CNTNAP2: variants seen among roughly 807,000 people sequenced by gnomAD.
CNTNAP2 encodes the protein contactin-associated protein-like 2.
Under a neutral mutation model 155.2 loss-of-function variants are expected in CNTNAP2, and 98 were observed. That is an observed-to-expected ratio of 0.63 (90% CI 0.54 to 0.75). The LOEUF (loss-of-function observed/expected upper bound fraction) is 0.75, where lower values mean the gene tolerates loss of function less well. CNTNAP2 is among the 30% of genes least tolerant of loss of function. The pLI is 0.00. For missense variants in CNTNAP2, 1,727 were observed against 1,688.1 expected, an observed-to-expected ratio of 1.02 and a Z score of -0.40; for synonymous variants, 651 against 631.2, an observed-to-expected ratio of 1.03 and a Z score of -0.47.
Position 146,747,481 on chromosome 7 carries a change from G to A in CNTNAP2, c.98-26790G>A, listed in dbSNP as rs185123097. On this transcript the variant is annotated intron_variant, in intron 1 of 23. Transcript: ENST00000361727. ...GCTTTTATTCTTAAGGAGGAAAAAT[G>A]TCTGTCAGAATGATTTTGTCTGTTT... is the stretch of plus-strand genomic sequence containing the variant. Among the ~76,000 whole-genome samples, 11 of 152,232 alleles carry A rather than the reference G, an allele frequency of 7.2e-5. No individual in the cohort carries two copies. The East Asian group carries it at 2.1e-3, about 29-fold the overall frequency.
At chr7:147,111,892 T>C (rs1017306875) in intron 5 of CNTNAP2, among the ~76,000 whole-genome samples, 2 of 152,194 alleles carry the variant, frequency 1.3e-5, no homozygotes, top group Non-Finnish European at 2.9e-5. Context: ...TTTTTTTAAA[T>C]TCTCTGAAGA....
At chr7:146,304,135 T>C (rs1342071724) in intron 1 of CNTNAP2, among the ~76,000 whole-genome samples, 1 of 151,072 alleles carries the variant, frequency 6.6e-6, no homozygotes, top group Non-Finnish European at 1.5e-5. Flanking sequence ...GATCTTCCTC[T>C]GTCCCTTTTT....
intron 13 of CNTNAP2, among the ~76,000 whole-genome samples, chr7:147,703,168 C>T (rs1048007180): frequency 9.2e-5 from 14 of 152,126 alleles, no homozygotes; most frequent in African/African-American, 3.1e-4. Flanking sequence ...TACCAACCTC[C>T]CCTTCCCATC....
chr7:146,445,589 G>T (rs1319061070), intron 1 of CNTNAP2, among the ~76,000 whole-genome samples: 7 of 152,172 alleles, frequency 4.6e-5, no homozygotes, highest in South Asian at 2.1e-4. Flanking sequence ...AATAACTGAA[G>T]AGAGGGTGTG....
intron 1 of CNTNAP2, among the ~76,000 whole-genome samples, chr7:146,736,141 A>T (rs959365771): frequency 6.6e-6 from 1 of 152,158 alleles, no homozygotes; most frequent in Admixed American, 6.5e-5. Flanking sequence ...GTAATCTGGA[A>T]ATGGTTTATA....
At chr7:146,256,129 A>G (rs1469899162) in intron 1 of CNTNAP2, among the ~76,000 whole-genome samples, 1 of 152,160 alleles carries the variant, frequency 6.6e-6, no homozygotes, top group Non-Finnish European at 1.5e-5. Flanking sequence ...GGCAAACCCT[A>G]CTGGAAGCTT....
chr7:147,120,463 C>T (rs975724322), intron 5 of CNTNAP2, among the ~76,000 whole-genome samples: 1 of 152,168 alleles, frequency 6.6e-6, no homozygotes, highest in Non-Finnish European at 1.5e-5. Flanking sequence ...GACTTTATAA[C>T]AAACCTACCA....
intron 15 of CNTNAP2, among the ~76,000 whole-genome samples, chr7:147,986,957 A>G (rs1163053901): frequency 6.6e-6 from 1 of 151,940 alleles, no homozygotes; most frequent in East Asian, 1.9e-4. Flanking sequence ...AAAAAAAACA[A>G]AAGCAAAAAC....
At chr7:147,810,214 T>C (rs547000440) in intron 13 of CNTNAP2, among the ~76,000 whole-genome samples, 35 of 150,760 alleles carry the variant, frequency 2.3e-4, no homozygotes, top group Admixed American at 2.1e-3. Context: ...ATATATATCA[T>C]ATATATAGAT....
intron 18 of CNTNAP2, among the ~76,000 whole-genome samples, 160 bp from the exon 19 acceptor site, chr7:148,217,128 A>T (rs1795653357): frequency 4.0e-5 from 6 of 149,430 alleles, no homozygotes; most frequent in Admixed American, 3.3e-4. Context: ...TTTTGATAAG[A>T]GTATTTGTGT....
chr7:148,009,828 C>G (rs1802043899), intron 15 of CNTNAP2, among the ~76,000 whole-genome samples: 1 of 152,034 alleles, frequency 6.6e-6, no homozygotes, highest in African/African-American at 2.4e-5. Flanking sequence ...CTATACTACA[C>G]TTCAAGTTAT....
intron 1 of CNTNAP2, among the ~76,000 whole-genome samples, chr7:146,133,595 G>A (rs1219860288): frequency 3.3e-5 from 5 of 152,070 alleles, no homozygotes; most frequent in African/African-American, 1.2e-4. Context: ...TTTGTATAAG[G>A]TGTAAGGAAG....
intron 16 of CNTNAP2, among the ~76,000 whole-genome samples, chr7:148,131,381 G>A (rs1034411971): frequency 1.6e-4 from 25 of 152,090 alleles, no homozygotes; most frequent in Non-Finnish European, 3.4e-4. Flanking sequence ...ACAGGCATAA[G>A]CCACCACGCC....
intron 1 of CNTNAP2, among the ~76,000 whole-genome samples, chr7:146,241,473 A>G (rs1050163795): frequency 6.6e-6 from 1 of 152,202 alleles, no homozygotes; most frequent in Admixed American, 6.5e-5. Flanking sequence ...CTGTTTGCTC[A>G]TAGTAAAATT....
chr7:148,012,618 A>G (rs1258572768), intron 15 of CNTNAP2, among the ~76,000 whole-genome samples: 1 of 152,240 alleles, frequency 6.6e-6, no homozygotes, highest in African/African-American at 2.4e-5. Flanking sequence ...TTCTGAATAA[A>G]AACAAAATGA....
intron 8 of CNTNAP2, among the ~76,000 whole-genome samples, chr7:147,231,735 GA>G (rs891499692): frequency 4.1e-4 from 62 of 152,132 alleles, no homozygotes; most frequent in African/African-American, 1.3e-3. Flanking sequence ...GTCTTTGCTG[GA>G]AAATGTCTCT....
At position 147,341,074 on chromosome 7, in the gene CNTNAP2, G is replaced by A. The variant is rs893048700; in HGVS notation, c.1498+40784G>A. On this transcript the variant is annotated intron_variant, in intron 9 of 23. Coordinates refer to ENST00000361727, the MANE Select transcript of CNTNAP2 (RefSeq NM_014141.6). ...GCCTCTTCCAGCATTGTGTGTTTGT[G>A]TGTGTGTGTGTGTGTGTATATATAT... Among the ~76,000 whole-genome samples, 156 of 81,230 alleles carry A rather than the reference G, an allele frequency of 1.9e-3. 1 individual carries two copies. Among genetic ancestry groups the A allele is most frequent in the Middle Eastern group, 5.5e-3 (1 of 182 alleles). 53.3% of individuals were successfully genotyped at this position (81,230 alleles called of 152,430 possible).
At chr7:148,395,576 C>A (rs1163542993) in intron 22 of CNTNAP2, among the ~76,000 whole-genome samples, 1 of 151,856 alleles carries the variant, frequency 6.6e-6, no homozygotes, top group African/African-American at 2.4e-5. Flanking sequence ...GTTGGGGGTG[C>A]GCTCTGTCAA....
chr7:146,939,388 A>G (rs1254446663), intron 3 of CNTNAP2, among the ~76,000 whole-genome samples: 5 of 152,230 alleles, frequency 3.3e-5, no homozygotes, highest in African/African-American at 1.2e-4. Context: ...AGTAAATTCA[A>G]AATTGCCTCT....
Sources: allele counts gnomAD v4.1 joint callset (sites outside exome capture counted in the v4.1 genomes callset), GRCh38; gene constraint gnomAD v4.1.1; transcripts MANE v1.5; gene names NCBI Gene and HGNC (gene_info 2026-07-23, HGNC 2026-07-21).